ZBTB44: variants seen among roughly 807,000 people sequenced by gnomAD.
ZBTB44 encodes the protein zinc finger and BTB domain containing 44, also known as zinc finger and BTB domain-containing protein 44.
ZBTB44 carries 15 observed loss-of-function variants against 54.0 expected under a neutral mutation model. That is an observed-to-expected ratio of 0.28 (90% CI 0.19 to 0.43). The LOEUF is 0.43. Among genes scored for constraint, ZBTB44 ranks in the 20% least tolerant of loss-of-function variants. The pLI, the probability that ZBTB44 is intolerant of heterozygous loss-of-function variation, is 1.00. For missense variants in ZBTB44, 487 were observed against 707.1 expected (o/e 0.69, Z 3.53); for synonymous variants, 230 against 250.1 (o/e 0.92, Z 0.76).
intron 1 of ZBTB44, chr11:130,296,720 T>G: frequency 1.0e-6 from 1 of 992,908 alleles, no homozygotes; most frequent in Non-Finnish European, 1.6e-6. Context: ...CTAAAATTTC[T>G]GACATTCAGT....
At chr11:130,274,214 C>T (rs1397480441) in intron 1 of ZBTB44, among the ~76,000 whole-genome samples, 4 of 152,134 alleles carry the variant, frequency 2.6e-5, no homozygotes, top group Admixed American at 6.5e-5. Context: ...GGATTTTGAG[C>T]GTCATGTTGG....
intron 1 of ZBTB44, among the ~76,000 whole-genome samples, chr11:130,301,948 T>G (rs1044186499): frequency 6.7e-6 from 1 of 149,144 alleles, no homozygotes; most frequent in African/African-American, 2.5e-5. Flanking sequence ...GAGGCTAAGG[T>G]GGGAGGATCT....
chr11:130,276,242 A>AAAAAAAAAGAAAAGAAAAAAG (rs59112840), intron 1 of ZBTB44, among the ~76,000 whole-genome samples: 1 of 94,420 alleles, frequency 1.1e-5, no homozygotes, highest in African/African-American at 3.7e-5. Context: ...CAAAAAAAAA[A>AAAAAAAAAGAAAAGAAAAAAG]AAAAGAAAAA....
chr11:130,306,703 T>C (rs1295189129), intron 1 of ZBTB44, among the ~76,000 whole-genome samples: 1 of 152,020 alleles, frequency 6.6e-6, no homozygotes, highest in African/African-American at 2.4e-5. Context: ...CGTGGTATAT[T>C]TACACCATGA....
chr11:130,251,108 G>A (rs747095252), intron 2 of ZBTB44, among the ~76,000 whole-genome samples: 1 of 152,100 alleles, frequency 6.6e-6, no homozygotes, highest in African/African-American at 2.4e-5. Flanking sequence ...TAAATGACCT[G>A]ACAGAGCTAA....
intron 1 of ZBTB44, among the ~76,000 whole-genome samples, chr11:130,284,659 G>A (rs1592030890): frequency 1.3e-5 from 2 of 152,142 alleles, no homozygotes; most frequent in East Asian, 3.9e-4. Flanking sequence ...ACGAGGTCAG[G>A]AGTTCGAGAC....
intron 1 of ZBTB44, among the ~76,000 whole-genome samples, chr11:130,298,074 T>TA (rs1941761189): frequency 6.6e-6 from 1 of 151,662 alleles, no homozygotes; most frequent in Non-Finnish European, 1.5e-5. Flanking sequence ...AGGTGAGTAA[T>TA]AAAAAATGTG....
chr11:130,311,864 G>C (rs533908556), intron 1 of ZBTB44, among the ~76,000 whole-genome samples: 1 of 152,276 alleles, frequency 6.6e-6, no homozygotes, highest in East Asian at 1.9e-4. Context: ...ATGGGGAGCA[G>C]GGGTGTCAAG....
intron 1 of ZBTB44, among the ~76,000 whole-genome samples, chr11:130,281,836 G>A (rs1255277215): frequency 2.0e-5 from 3 of 152,062 alleles, no homozygotes; most frequent in African/African-American, 7.2e-5. Flanking sequence ...CGATCTCCTG[G>A]CCTCGTGATC....
At chr11:130,292,850 A>G (rs1425957586) in intron 1 of ZBTB44, among the ~76,000 whole-genome samples, 1 of 152,076 alleles carries the variant, frequency 6.6e-6, no homozygotes, top group East Asian at 1.9e-4. Flanking sequence ...CACCCACCCC[A>G]CCAAAAGTTA....
chr11:130,260,707 C>G lies in ZBTB44; in HGVS notation c.1018+149G>C, dbSNP rs1210392775. 3.4e-6 allele frequency: 3 copies of G among 874,526 alleles called. No individual in the cohort carries two copies. The Admixed American group carries it at 9.5e-5, about 28-fold the overall frequency. The allele number at this position is 874,526 out of a possible 1,614,324, so 54.2% of individuals were successfully genotyped here. ...AACTTGTAAAAAATAAACGATAGTG[C>G]TAATAGCATCTCAAGCAAATCCAGT... On this transcript the variant is annotated intron_variant, in intron 2 of 7. Transcript: ENST00000357899.
intron 1 of ZBTB44, among the ~76,000 whole-genome samples, chr11:130,294,518 T>C (rs1172005639): frequency 2.5e-5 from 3 of 119,716 alleles, no homozygotes; most frequent in Non-Finnish European, 5.0e-5. Context: ...AACCAGGATT[T>C]ACACAAAGGT....
chr11:130,296,802 A>G (rs868560660), intron 1 of ZBTB44: 1 of 755,016 alleles, frequency 1.3e-6, no homozygotes. Context: ...TAAGTCATAC[A>G]TATGAGGTTA....
intron 1 of ZBTB44, among the ~76,000 whole-genome samples, chr11:130,300,515 T>C (rs556181443): frequency 3.3e-5 from 5 of 152,134 alleles, no homozygotes; most frequent in Non-Finnish European, 7.4e-5. Flanking sequence ...GATAAACCTT[T>C]AGCTAGACCA....
intron 1 of ZBTB44, among the ~76,000 whole-genome samples, chr11:130,276,113 T>G (rs1940050955): frequency 1.3e-5 from 2 of 150,530 alleles, no homozygotes; most frequent in Non-Finnish European, 3.0e-5. Flanking sequence ...ATAATCCCAG[T>G]GACTGGGGAA....
At chr11:130,295,598 CT>C in intron 1 of ZBTB44, 1 of 752,142 alleles carries the variant, frequency 1.3e-6, no homozygotes, top group East Asian at 2.5e-5. Flanking sequence ...ATTTGCTTCT[CT>C]ACATAATATT....
intron 1 of ZBTB44, among the ~76,000 whole-genome samples, chr11:130,312,905 G>C (rs1942704198): frequency 6.6e-6 from 1 of 152,188 alleles, no homozygotes; most frequent in Admixed American, 6.5e-5. Context: ...GAGGATTACA[G>C]TGTTTGCAGC....
rs1405502423 is a variant in ZBTB44, at chr11:130,236,918, G to A, written c.1443C>T (p.Ile481=). The A allele has an allele frequency of 6.2e-7, 1 of 1,601,270 alleles. No individual in the cohort carries two copies. Among genetic ancestry groups the A allele is most frequent in the Admixed American group, 1.7e-5 (1 of 57,376 alleles). Residue 481 remains isoleucine (I), a synonymous_variant, in exon 5 of 8, where the codon ATC becomes ATT. Coordinates refer to ENST00000357899, the MANE Select transcript of ZBTB44 (RefSeq NM_001301098.2). The part of the protein sequence containing the change: ...KHHMRVSRHI[I]RKPRIYECKT... ...TGCACTCGTAAATCCGAGGCTTGCG[G>A]ATAATGTGCCGGGAAACCCTCATGT...
chr11:130,287,740 T>TA (rs1941050448), intron 1 of ZBTB44, among the ~76,000 whole-genome samples: 1 of 152,134 alleles, frequency 6.6e-6, no homozygotes, highest in South Asian at 2.1e-4. Context: ...AGTATGTGGT[T>TA]AGAGTGGGAT....
Sources: gnomAD v4.1 joint callset for allele counts (sites outside exome capture counted in the v4.1 genomes callset) on GRCh38, gnomAD v4.1.1 for gene constraint, MANE v1.5 for transcripts, NCBI Gene and HGNC (gene_info 2026-07-23, HGNC 2026-07-21) for gene names.